The following COLEC10 variants were observed in gnomAD, a reference collection of about 807,000 sequenced individuals.
The protein encoded by COLEC10 is collectin subfamily member 10.
COLEC10 carries 22 observed loss-of-function variants against 28.4 expected under a neutral mutation model. The ratio of observed to expected loss-of-function variants is 0.78; its 90% CI spans 0.55 to 1.11. The LOEUF (loss-of-function observed/expected upper bound fraction) is 1.11. Ranked by LOEUF, COLEC10 falls within the 50% of genes least tolerant of loss-of-function variation. The pLI is 0.00. For missense variants in COLEC10, 361 were observed against 344.1 expected (o/e 1.05, Z -0.39); for synonymous variants, 125 against 116.1 (o/e 1.08, Z -0.49).
At chr8:119,022,592 A>G (rs575479941) in intron 2 of COLEC10, among the ~76,000 whole-genome samples, 2 of 152,196 alleles carry the variant, frequency 1.3e-5, no homozygotes, top group East Asian at 3.9e-4. Context: ...GTTTTTTTCA[A>G]AATAGATCTA....
At chr8:119,095,088 A>C (rs1442919440) in intron 3 of COLEC10, among the ~76,000 whole-genome samples, 1 of 152,246 alleles carries the variant, frequency 6.6e-6, no homozygotes, top group African/African-American at 2.4e-5. Context: ...TTGCATACCT[A>C]GTACAAAATA....
Position 119,105,888 on chromosome 8 carries a change from G to T in COLEC10, c.531G>T (p.Arg177Ser). The change falls in exon 6 of 6, where the codon AGG becomes AGT. Residue 177 changes from arginine (R) to serine (S), a missense_variant. By Grantham distance (110) the Arg-to-Ser change is moderately radical. This residue lies in a region of COLEC10 where 335 missense variants were observed against 308.5 expected (regional missense o/e 1.09). Transcript: ENST00000332843. ...KNYRESLTHC[R>S]IRGGMLAMPK... ...ACAGGGAATCCCTAACCCACTGCAG[G>T]ATTCGGGGTGGAATGCTAGCCATGC... 3 of 1,613,846 alleles carry T rather than the reference G, an allele frequency of 1.9e-6. No individual in the cohort carries two copies. Among genetic ancestry groups the T allele is most frequent in the Non-Finnish European group, 2.5e-6 (3 of 1,179,876 alleles).
rs371591621 is a variant in COLEC10, at chr8:119,060,034, C to G, written n.236-29646C>G. 1.4e-4 allele frequency among the ~76,000 whole-genome samples: 22 copies of G among 152,128 alleles called. No individual in the cohort carries two copies. The South Asian group carries it at 2.3e-3, about 16-fold the overall frequency. ...TAAGGGGAAGAATATGCCGTTGAGC[C>G]TCATCTCAGCACACCTACCCACAGA... is the stretch of plus-strand genomic sequence containing the variant. On this transcript the variant is annotated intron_variant and non_coding_transcript_variant, in intron 2 of 6. Coordinates refer to the COLEC10 transcript ENST00000521788.
chr8:118,988,397 C>G, the COLEC10 span, among the ~76,000 whole-genome samples: 1 of 152,144 alleles, frequency 6.6e-6, no homozygotes, highest in Non-Finnish European at 1.5e-5. Context: ...ATTCTGAAAT[C>G]TGATCACAGC....
chr8:119,068,431 C>A (rs1442630440), intron 1 of COLEC10: 2 of 152,058 alleles, frequency 1.3e-5, no homozygotes, highest in Non-Finnish European at 2.9e-5. Flanking sequence ...CAAATAATTT[C>A]TTGGGTGAAT....
chr8:119,093,387 G>A (rs778018282), intron 3 of COLEC10, among the ~76,000 whole-genome samples: 17 of 152,178 alleles, frequency 1.1e-4, no homozygotes, highest in Admixed American at 1.3e-4. Flanking sequence ...TGCTATGGGT[G>A]TCTCAGATCT....
chr8:119,012,500 T>C (rs1813918471), intron 2 of COLEC10, among the ~76,000 whole-genome samples: 2 of 150,768 alleles, frequency 1.3e-5, no homozygotes, highest in Admixed American at 6.6e-5. Flanking sequence ...TTAGAAAATG[T>C]TCCCTCTGCT....
At chr8:119,011,653 T>C (rs1586996932) in intron 2 of COLEC10, among the ~76,000 whole-genome samples, 1 of 151,134 alleles carries the variant, frequency 6.6e-6, no homozygotes, top group East Asian at 1.9e-4. Flanking sequence ...TTTGTGGTTT[T>C]CTTTATACAA....
chr8:119,032,063 T>C (rs1814298507), intron 2 of COLEC10, among the ~76,000 whole-genome samples: 1 of 152,204 alleles, frequency 6.6e-6, no homozygotes, highest in Non-Finnish European at 1.5e-5. Context: ...TTTCAGAGTT[T>C]GATTACTCAC....
In COLEC10 at chr8:119,101,122, C is replaced by T. The variant is rs529852894; in HGVS notation, c.293-1226C>T. 4.6e-5 allele frequency among the ~76,000 whole-genome samples: 7 copies of T among 152,228 alleles called. No individual in the cohort carries two copies. In the East Asian group the frequency reaches 5.8e-4, roughly 13 times the overall value. On this transcript the variant is annotated intron_variant, in intron 3 of 5. Coordinates refer to ENST00000332843, the MANE Select transcript of COLEC10 (RefSeq NM_006438.5). The stretch of plus-strand genomic sequence containing the variant: ...CCACTTTTTCTCTGTTGCTGGTGAA[C>T]GGTGAGGCTTGGCAGAACCTTAATA...
At chr8:119,001,979 C>T (rs980064311) in intron 1 of COLEC10, among the ~76,000 whole-genome samples, 3 of 152,054 alleles carry the variant, frequency 2.0e-5, no homozygotes, top group African/African-American at 4.8e-5. Context: ...TAGAATTTAG[C>T]CCCCCATTCA....
the COLEC10 span, among the ~76,000 whole-genome samples, chr8:118,986,370 T>C: frequency 6.6e-6 from 1 of 152,118 alleles, no homozygotes; most frequent in Non-Finnish European, 1.5e-5. Context: ...ATAAATTGAA[T>C]TGAGACATTT....
chr8:119,102,240 C>CCTTCTTT (rs1258121607), intron 3 of COLEC10, 108 bp from the exon 4 acceptor site: 1 of 242,570 alleles, frequency 4.1e-6, no homozygotes, highest in Non-Finnish European at 7.3e-6. Context: ...CCCTCCCTCC[C>CCTTCTTT]TCCTTCCTTC....
At chr8:119,083,424 AC>A (rs1299678156) in intron 1 of COLEC10, among the ~76,000 whole-genome samples, 1 of 152,204 alleles carries the variant, frequency 6.6e-6, no homozygotes, top group Non-Finnish European at 1.5e-5. Flanking sequence ...TACTGTGGAT[AC>A]GGTCTAAACC....
chr8:118,984,427 C>A, the COLEC10 span, among the ~76,000 whole-genome samples: 1 of 151,936 alleles, frequency 6.6e-6, no homozygotes, highest in African/African-American at 2.4e-5. Flanking sequence ...TATAACACAC[C>A]CCCATGACAT....
At chr8:119,018,999 G>T (rs1814042668) in intron 2 of COLEC10, among the ~76,000 whole-genome samples, 1 of 152,054 alleles carries the variant, frequency 6.6e-6, no homozygotes. Context: ...GATTTTGTTT[G>T]AAAAAGCTAT....
At chr8:118,997,716 T>A (rs1813612908) in intron 1 of COLEC10, among the ~76,000 whole-genome samples, 1 of 152,218 alleles carries the variant, frequency 6.6e-6, no homozygotes, top group Admixed American at 6.5e-5. Flanking sequence ...TAGCTCTTCC[T>A]CCATTATTGG....
chr8:119,047,201 G>A (rs531828832), intron 2 of COLEC10, among the ~76,000 whole-genome samples: 18 of 152,290 alleles, frequency 1.2e-4, no homozygotes, highest in South Asian at 6.2e-4. Context: ...AAATAAAAGC[G>A]TATTTGTATC....
intron 2 of COLEC10, among the ~76,000 whole-genome samples, chr8:119,044,935 G>C (rs1039552343): frequency 3.3e-5 from 5 of 151,714 alleles, no homozygotes; most frequent in South Asian, 4.1e-4. Flanking sequence ...ATATTTCTCT[G>C]GGCTCTATCT....
Sources: gnomAD v4.1 joint callset for allele counts (sites outside exome capture counted in the v4.1 genomes callset) on GRCh38, gnomAD v4.1.1 for gene constraint, gnomAD v4.1.1 regional missense constraint, MANE v1.5 for transcripts, NCBI Gene and HGNC (gene_info 2026-07-23, HGNC 2026-07-21) for gene names.